CGNL1: variants seen among roughly 807,000 people sequenced by gnomAD.
CGNL1 encodes cingulin-like protein 1.
CGNL1 carries 132 observed loss-of-function variants against 141.2 expected under a neutral mutation model. That is an observed-to-expected ratio of 0.93 (90% CI 0.81 to 1.08). The LOEUF (loss-of-function observed/expected upper bound fraction) is 1.08, where lower values mean the gene tolerates loss of function less well. Ranked by LOEUF, CGNL1 falls within the 50% of genes least tolerant of loss-of-function variation. The probability of loss-of-function intolerance (pLI) is 0.00; values close to 1 mark genes in which losing one functional copy is unlikely to be tolerated. For synonymous variants in CGNL1, 690 were observed against 622.1 expected (o/e 1.11, Z -1.63); for missense variants, 1,870 against 1,588.6 (o/e 1.18, Z -3.01).
At chr15:57,530,646 A>G (rs1177960985) in intron 13 of CGNL1, among the ~76,000 whole-genome samples, 1 of 152,170 alleles carries the variant, frequency 6.6e-6, no homozygotes, top group African/African-American at 2.4e-5. Flanking sequence ...GCTTCGGTGC[A>G]GGGCCCAGCT....
In CGNL1 at chr15:57,545,598, G is replaced by A. The variant is rs1009517956; in HGVS notation, c.3507G>A (p.Arg1169=). The A allele has an allele frequency of 1.9e-6, 3 of 1,612,962 alleles. No individual in the cohort carries two copies. The highest frequency in any genetic ancestry group is 2.5e-6 in the Non-Finnish European group (3 of 1,179,768). Residue 1169 remains arginine (R), a synonymous_variant, in exon 17 of 19, where the codon CGG becomes CGA. Coordinates refer to ENST00000281282, the MANE Select transcript of CGNL1 (RefSeq NM_032866.5). ...TCTGTCTCCCCTCTTCCAGGGATCG[G>A]GCCAATCTTCAGCTCAGCAACCGGC... ...EDRLESEERD[R]ANLQLSNRRL...
intron 1 of CGNL1, among the ~76,000 whole-genome samples, chr15:57,410,594 C>T (rs1467147386): frequency 1.3e-5 from 2 of 152,098 alleles, no homozygotes; most frequent in African/African-American, 2.4e-5. Flanking sequence ...AACATGTGTA[C>T]GTGTGTGTAG....
intron 8 of CGNL1, among the ~76,000 whole-genome samples, chr15:57,474,973 G>C (rs35423813): frequency 6.6e-6 from 1 of 152,050 alleles, no homozygotes; most frequent in Non-Finnish European, 1.5e-5. Flanking sequence ...GGGGGCCCCT[G>C]CCTCTGCCTT....
chr15:57,458,368 A>G (rs1457103210), intron 7 of CGNL1, among the ~76,000 whole-genome samples: 1 of 152,204 alleles, frequency 6.6e-6, no homozygotes, highest in Non-Finnish European at 1.5e-5. Flanking sequence ...TTTAGTCTCT[A>G]CTCTGGAAAA....
At chr15:57,539,053 G>A (rs2140220135) in intron 14 of CGNL1, among the ~76,000 whole-genome samples, 1 of 152,196 alleles carries the variant, frequency 6.6e-6, no homozygotes, top group South Asian at 2.1e-4. Context: ...AGCTTGAGGG[G>A]CTCTTGATTC....
chr15:57,515,429 A>G (rs1398084125), intron 8 of CGNL1, among the ~76,000 whole-genome samples: 1 of 152,244 alleles, frequency 6.6e-6, no homozygotes, highest in African/African-American at 2.4e-5. Context: ...ATAAGTGAGC[A>G]GTTCTAGCAG....
At chr15:57,530,433 C>T (rs1331176157) in intron 13 of CGNL1, among the ~76,000 whole-genome samples, 2 of 152,166 alleles carry the variant, frequency 1.3e-5, no homozygotes, top group East Asian at 1.9e-4. Flanking sequence ...CAAGCAGGAC[C>T]GTCTTGCTGT....
Position 57,545,799 on chromosome 15 carries a change from G to T in CGNL1, c.3609+99G>T, listed in dbSNP as rs546576303. 253 of 985,796 alleles carry T rather than the reference G, an allele frequency of 2.6e-4. No individual in the cohort carries two copies. The African/African-American group carries it at 3.7e-3, about 15-fold the overall frequency. 61.1% of individuals were successfully genotyped at this position (985,796 alleles called of 1,614,324 possible). A position where few individuals can be genotyped will look rare whatever the true frequency, so the allele number is the denominator to read the frequency against. ...GCCTCCCTGAGCAGGAGTGGAGTGT[G>T]AGTGGGCTGATTCCTCCCTTTCCAC... is the stretch of plus-strand genomic sequence containing the variant. On this transcript the variant is annotated intron_variant, in intron 17 of 18. Transcript: ENST00000281282.
intron 1 of CGNL1, among the ~76,000 whole-genome samples, chr15:57,436,406 A>G (rs1371788437): frequency 6.6e-6 from 1 of 152,222 alleles, no homozygotes; most frequent in Non-Finnish European, 1.5e-5. Flanking sequence ...TCTTGTAATC[A>G]TAATCATAAG....
intron 8 of CGNL1, among the ~76,000 whole-genome samples, chr15:57,509,480 GAGCCTGTCCA>G (rs2030035125): frequency 6.6e-6 from 1 of 152,254 alleles, no homozygotes; most frequent in East Asian, 1.9e-4. Flanking sequence ...CATCAGGAGC[GAGCCTGTCCA>G]AGGTGTCGGG....
intron 8 of CGNL1, among the ~76,000 whole-genome samples, chr15:57,469,740 C>CTG (rs1252123138): frequency 6.6e-6 from 1 of 152,130 alleles, no homozygotes; most frequent in Admixed American, 6.5e-5. Context: ...CCAATTTTGG[C>CTG]TGTGTGTGTG....
intron 13 of CGNL1, among the ~76,000 whole-genome samples, chr15:57,531,099 T>G (rs2031927675): frequency 6.6e-6 from 1 of 152,208 alleles, no homozygotes; most frequent in South Asian, 2.1e-4. Flanking sequence ...TAGGTTAGAT[T>G]AGGAGCCAAC....
chr15:57,521,122 A>C (rs567282038), intron 10 of CGNL1, among the ~76,000 whole-genome samples: 2 of 151,888 alleles, frequency 1.3e-5, no homozygotes, highest in South Asian at 4.2e-4. Context: ...AGAGCGTTTC[A>C]CTCCTGATAC....
At chr15:57,467,056 G>A (rs1431561893) in intron 8 of CGNL1, among the ~76,000 whole-genome samples, 4 of 152,124 alleles carry the variant, frequency 2.6e-5, no homozygotes, top group East Asian at 3.9e-4. Context: ...TCATTTCTCC[G>A]TTTGCATTAT....
chr15:57,494,955 T>A (rs1253703737), intron 8 of CGNL1, among the ~76,000 whole-genome samples: 1 of 152,242 alleles, frequency 6.6e-6, no homozygotes, highest in Non-Finnish European at 1.5e-5. Flanking sequence ...TGCTCCTGTC[T>A]TAGGGATTTA....
intron 13 of CGNL1, among the ~76,000 whole-genome samples, chr15:57,531,192 G>A (rs943296491): frequency 6.6e-6 from 1 of 152,228 alleles, no homozygotes; most frequent in Non-Finnish European, 1.5e-5. Context: ...ATCCAATGCA[G>A]GTTTGGGAGT....
At chr15:57,536,861 A>G (rs2032287802) in intron 14 of CGNL1, among the ~76,000 whole-genome samples, 1 of 152,144 alleles carries the variant, frequency 6.6e-6, no homozygotes, top group African/African-American at 2.4e-5. Flanking sequence ...GCCTATTCCC[A>G]TCGTCCCTGA....
Position 57,432,272 on chromosome 15 carries a change from C to T in CGNL1, c.-15-5713C>T, listed in dbSNP as rs548684147. 6.6e-5 allele frequency among the ~76,000 whole-genome samples: 10 copies of T among 152,302 alleles called. No homozygotes were observed. The East Asian group carries it at 1.9e-3, about 29-fold the overall frequency. ...TGGCTGGTGAATATGCATGCAGGTCCTGGAGGTGCCACTGAGAATTAGAGT... is the reference window on the plus strand; with the variant it reads ...TGGCTGGTGAATATGCATGCAGGTCTTGGAGGTGCCACTGAGAATTAGAGT... On this transcript the variant is annotated intron_variant, in intron 1 of 18. Coordinates refer to ENST00000281282, the MANE Select transcript of CGNL1 (RefSeq NM_032866.5).
At chr15:57,396,870 G>T (rs1483502431) in intron 1 of CGNL1, 4 of 152,082 alleles carry the variant, frequency 2.6e-5, no homozygotes, top group African/African-American at 9.7e-5. Context: ...TTGCTATACG[G>T]AAGGTGTTGT....
Sources: allele counts gnomAD v4.1 joint callset (sites outside exome capture counted in the v4.1 genomes callset), GRCh38; gene constraint gnomAD v4.1.1; transcripts MANE v1.5; gene names NCBI Gene and HGNC (gene_info 2026-07-23, HGNC 2026-07-21).